The following STAU2 variants were observed in gnomAD, a reference collection of about 807,000 sequenced individuals.
STAU2 encodes the protein staufen double-stranded RNA binding protein 2, also known as double-stranded RNA-binding protein Staufen homolog 2.
In STAU2, 20 loss-of-function variants were observed where a neutral mutation model predicts 65.9. That is an observed-to-expected ratio of 0.30 (90% CI 0.21 to 0.44). The LOEUF (loss-of-function observed/expected upper bound fraction) is 0.44, where lower values mean the gene tolerates loss of function less well. Ranked by LOEUF, STAU2 falls within the 20% of genes least tolerant of loss-of-function variation. The pLI is 1.00. For synonymous variants in STAU2, 232 were observed against 233.9 expected, an observed-to-expected ratio of 0.99 and a Z score of 0.07; for missense variants, 558 against 683.9, an observed-to-expected ratio of 0.82 and a Z score of 2.05.
intron 6 of STAU2, among the ~76,000 whole-genome samples, chr8:73,663,016 G>C (rs1816949957): frequency 6.6e-6 from 1 of 151,962 alleles, no homozygotes; most frequent in African/African-American, 2.4e-5. Flanking sequence ...AATTAATTTT[G>C]AAAGAATTAA....
intron 13 of STAU2, among the ~76,000 whole-genome samples, chr8:73,436,609 C>G (rs545250261): frequency 7.2e-5 from 4 of 55,300 alleles, no homozygotes. Context: ...TATTTTGAGA[C>G]AGAGTCTTAC....
intron 6 of STAU2, among the ~76,000 whole-genome samples, chr8:73,637,947 A>G (rs1017631334): frequency 6.6e-6 from 1 of 152,030 alleles, no homozygotes; most frequent in Non-Finnish European, 1.5e-5. Context: ...TTTCATAATC[A>G]GTTTAGAAAA....
intron 13 of STAU2, among the ~76,000 whole-genome samples, chr8:73,509,146 C>T (rs960071132): frequency 6.6e-6 from 1 of 152,198 alleles, no homozygotes; most frequent in Admixed American, 6.5e-5. Flanking sequence ...TTCTCCATAT[C>T]GTCACCAACA....
At chr8:73,471,836 A>G (rs1021589481) in intron 13 of STAU2, among the ~76,000 whole-genome samples, 20 of 145,832 alleles carry the variant, frequency 1.4e-4, no homozygotes, top group East Asian at 2.0e-4. Context: ...AAAAAAAAAA[A>G]AGAGAGAAGA....
intron 3 of STAU2, among the ~76,000 whole-genome samples, chr8:73,724,863 T>C (rs1805517797): frequency 6.6e-6 from 1 of 152,054 alleles, no homozygotes; most frequent in Admixed American, 6.5e-5. Context: ...AATTTTTGTA[T>C]TTTTTGTAGA....
chr8:73,501,158 A>G (rs1005778948), intron 13 of STAU2, among the ~76,000 whole-genome samples: 19 of 151,850 alleles, frequency 1.3e-4, no homozygotes, highest in South Asian at 4.1e-4. Context: ...ATAAGAAAAT[A>G]CTTCTTTTGT....
intron 7 of STAU2, 103 bp from the exon 8 acceptor site, chr8:73,615,885 CA>C: frequency 1.2e-6 from 1 of 834,012 alleles, no homozygotes; most frequent in Non-Finnish European, 2.0e-6. Flanking sequence ...GAAGAAACAA[CA>C]AACTATATAG....
At chr8:73,537,150 GA>G (rs1231313389) in intron 13 of STAU2, among the ~76,000 whole-genome samples, 1 of 152,066 alleles carries the variant, frequency 6.6e-6, no homozygotes, top group Non-Finnish European at 1.5e-5. Context: ...AAGTATCACT[GA>G]ACTTGAAGAT....
At chr8:73,616,395 A>G (rs931818806) in intron 7 of STAU2, among the ~76,000 whole-genome samples, 12 of 152,206 alleles carry the variant, frequency 7.9e-5, no homozygotes, top group African/African-American at 2.9e-4. Context: ...ATGAAAGAGT[A>G]CAAGCAGAAA....
At chr8:73,454,452 A>G (rs1437400437) in intron 13 of STAU2, among the ~76,000 whole-genome samples, 1 of 152,252 alleles carries the variant, frequency 6.6e-6, no homozygotes, top group African/African-American at 2.4e-5. Context: ...ATATGATCAT[A>G]AAACCGAATT....
rs537229124 is a variant in STAU2, at chr8:73,456,072, T to C, written c.1531-33370A>G. 1.1e-3 allele frequency among the ~76,000 whole-genome samples: 171 copies of C among 152,312 alleles called. 1 individual carries two copies. The highest frequency in any genetic ancestry group is 3.4e-3 in the Middle Eastern group (1 of 294). On this transcript the variant is annotated intron_variant, in intron 13 of 14. Coordinates refer to ENST00000524300, the MANE Select transcript of STAU2 (RefSeq NM_001164380.2). ...ACAAATGAATGACGATGGGACATGC[T>C]CTCCAGTGGGCAGACTCAGGCTCAG...
intron 6 of STAU2, among the ~76,000 whole-genome samples, chr8:73,638,516 T>A (rs1408248519): frequency 1.4e-5 from 2 of 141,212 alleles, no homozygotes; most frequent in African/African-American, 5.5e-5. Context: ...TTTTTTTTTT[T>A]TTAAAAAGAG....
chr8:73,472,646 G>C (rs1334650180), intron 13 of STAU2, among the ~76,000 whole-genome samples: 1 of 151,486 alleles, frequency 6.6e-6, no homozygotes, highest in Non-Finnish European at 1.5e-5. Flanking sequence ...TTTGCATATA[G>C]TACAAACTTC....
At position 73,613,860 on chromosome 8, in the gene STAU2, G is replaced by T; in HGVS notation, c.775C>A (p.Leu259Ile). ...GTGGTCGCAGCGCGCTTCTTGGAGAGTTTTTTGCTATTTCCTTCTCCTTCT... is the reference window on the plus strand; with the variant it reads ...GTGGTCGCAGCGCGCTTCTTGGAGATTTTTTTGCTATTTCCTTCTCCTTCT... ...SAEGEGNSKK[L>I]SKKRAATTVL... is the part of the protein sequence containing the mutation. The change falls in exon 9 of 15, where the codon CTC becomes ATC. Residue 259 changes from leucine (L) to isoleucine (I), a missense_variant. Leu to Ile is a conservative substitution (Grantham distance 5). Transcript: ENST00000524300. 6.2e-7 allele frequency: 1 copy of T among 1,613,672 alleles called. No homozygotes were observed. Among genetic ancestry groups the T allele is most frequent in the Non-Finnish European group, 8.5e-7 (1 of 1,179,856 alleles).
At chr8:73,715,566 T>TGTG (rs1821199392) in intron 3 of STAU2, among the ~76,000 whole-genome samples, 1 of 151,924 alleles carries the variant, frequency 6.6e-6, no homozygotes, top group Non-Finnish European at 1.5e-5. Context: ...TTAACAAGTA[T>TGTG]GTGGGGAAAA....
At chr8:73,525,813 A>AAGTT (rs1311154580) in intron 13 of STAU2, among the ~76,000 whole-genome samples, 4 of 152,152 alleles carry the variant, frequency 2.6e-5, no homozygotes, top group Non-Finnish European at 5.9e-5. Flanking sequence ...GATAGATATA[A>AAGTT]AGTTAGCTAC....
At chr8:73,553,593 A>G (rs1011451809) in intron 12 of STAU2, among the ~76,000 whole-genome samples, 4 of 152,074 alleles carry the variant, frequency 2.6e-5, no homozygotes, top group African/African-American at 9.7e-5. Context: ...CAAGCCTTTA[A>G]CATAGCATGA....
At chr8:73,439,158 C>A (rs1001810485) in intron 13 of STAU2, 4 of 404,324 alleles carry the variant, frequency 9.9e-6, no homozygotes, top group Non-Finnish European at 2.0e-5. Flanking sequence ...AGTGTAGCAT[C>A]TGTTAACACC....
At chr8:73,622,405 G>A (rs1046243288) in intron 6 of STAU2, among the ~76,000 whole-genome samples, 4 of 152,222 alleles carry the variant, frequency 2.6e-5, no homozygotes, top group South Asian at 2.1e-4. Flanking sequence ...GATTACGGGC[G>A]TGAGCCACCA....
Sources: gnomAD v4.1 joint callset for allele counts (sites outside exome capture counted in the v4.1 genomes callset) on GRCh38, gnomAD v4.1.1 for gene constraint, MANE v1.5 for transcripts, NCBI Gene and HGNC (gene_info 2026-07-23, HGNC 2026-07-21) for gene names.